Variants in OPRM1 observed in about 807,000 individuals in gnomAD.
The protein encoded by OPRM1 is mu-type opioid receptor.
Under a neutral mutation model 31.8 loss-of-function variants are expected in OPRM1, and 27 were observed. The ratio of observed to expected loss-of-function variants is 0.85; its 90% CI spans 0.63 to 1.17. OPRM1 has a LOEUF of 1.17. OPRM1 is among the 50% of genes most tolerant of loss of function. The pLI is 0.00. For missense variants in OPRM1, 536 were observed against 511.1 expected (o/e 1.05, Z -0.47); for synonymous variants, 196 against 189.9 (o/e 1.03, Z -0.26).
chr6:154,049,025 A>G (rs1015771455), intron 1 of OPRM1, among the ~76,000 whole-genome samples: 4 of 152,224 alleles, frequency 2.6e-5, no homozygotes, highest in Non-Finnish European at 5.9e-5. Flanking sequence ...GCCTCTGATT[A>G]TAAAATTTTC....
chr6:154,079,482 G>A (rs141966610), intron 1 of OPRM1, among the ~76,000 whole-genome samples: 55 of 152,318 alleles, frequency 3.6e-4, no homozygotes, highest in African/African-American at 1.3e-3. Context: ...CTGAGAGCCA[G>A]AGCTGAGAAG....
intron 3 of OPRM1, among the ~76,000 whole-genome samples, chr6:154,150,503 T>C (rs191651733): frequency 1.9e-3 from 284 of 152,186 alleles, no homozygotes; most frequent in Non-Finnish European, 3.1e-3. Context: ...AAATTGGGAG[T>C]GAGCCTAGCA....
chr6:154,239,447 A>G (rs776259622), intron 3 of OPRM1, among the ~76,000 whole-genome samples: 1 of 152,208 alleles, frequency 6.6e-6, no homozygotes, highest in Non-Finnish European at 1.5e-5. Context: ...GAAGTAACAG[A>G]ATTCAAGAAA....
intron 3 of OPRM1, among the ~76,000 whole-genome samples, chr6:154,207,688 G>A (rs1777618644): frequency 1.3e-5 from 2 of 151,982 alleles, no homozygotes; most frequent in South Asian, 2.1e-4. Context: ...CTCCTCTGTC[G>A]CTGGCCAAGG....
At chr6:154,028,029 C>T (rs1467888471) in intron 1 of OPRM1, among the ~76,000 whole-genome samples, 1 of 152,192 alleles carries the variant, frequency 6.6e-6, no homozygotes, top group African/African-American at 2.4e-5. Context: ...CCTCCCCCAG[C>T]CACTTTTCTC....
At chr6:154,176,045 C>T (rs757036068) in intron 3 of OPRM1, among the ~76,000 whole-genome samples, 18 of 152,166 alleles carry the variant, frequency 1.2e-4, no homozygotes, top group Non-Finnish European at 2.4e-4. Context: ...CATAATCTAT[C>T]ACATAAACAG....
chr6:154,066,542 T>A (rs1785448989), intron 1 of OPRM1, among the ~76,000 whole-genome samples: 1 of 152,112 alleles, frequency 6.6e-6, no homozygotes, highest in Admixed American at 6.6e-5. Flanking sequence ...AATCATTTGT[T>A]GAAACCCTAA....
At chr6:154,095,273 A>G (rs1361821544) in intron 3 of OPRM1, among the ~76,000 whole-genome samples, 1 of 152,232 alleles carries the variant, frequency 6.6e-6, no homozygotes, top group Admixed American at 6.5e-5. Flanking sequence ...CCTGGGCAAC[A>G]AGAACGAAAC....
chr6:154,058,218 T>A (rs1783706711), intron 1 of OPRM1, among the ~76,000 whole-genome samples: 1 of 152,192 alleles, frequency 6.6e-6, no homozygotes, highest in African/African-American at 2.4e-5. Flanking sequence ...AAAAAAATTG[T>A]ATATAAAGAT....
At chr6:154,241,206 A>G (rs531100613) in intron 3 of OPRM1, among the ~76,000 whole-genome samples, 43 of 147,390 alleles carry the variant, frequency 2.9e-4, no homozygotes, top group Non-Finnish European at 5.1e-4. Flanking sequence ...ACTGCACTTC[A>G]GCCTAGCAAC....
At chr6:154,154,422 A>G (rs1798630509) in intron 3 of OPRM1, 1 of 152,256 alleles carries the variant, frequency 6.6e-6, no homozygotes, top group Non-Finnish European at 1.5e-5. Flanking sequence ...TGAAAAATCT[A>G]AATATTATTG....
chr6:154,056,107 T>G (rs1783222585), intron 1 of OPRM1, among the ~76,000 whole-genome samples: 1 of 151,486 alleles, frequency 6.6e-6, no homozygotes, highest in African/African-American at 2.4e-5. Flanking sequence ...CTCTTTTCTT[T>G]TCTTTTCTTT....
At chr6:154,142,962 C>A (rs560037771) in intron 3 of OPRM1, among the ~76,000 whole-genome samples, 1 of 152,254 alleles carries the variant, frequency 6.6e-6, no homozygotes, top group Admixed American at 6.5e-5. Context: ...CAAGGGAGGA[C>A]CAGTTCTTCC....
Position 154,089,845 on chromosome 6 carries a change from G to A in OPRM1, c.310G>A (p.Ala104Thr). 1.9e-6 allele frequency: 3 copies of A among 1,612,672 alleles called. No homozygotes were observed. Among genetic ancestry groups the A allele is most frequent in the Non-Finnish European group, 2.5e-6 (3 of 1,179,286 alleles). Residue 104 changes from alanine (A) to threonine (T), a missense_variant, in exon 2 of 4, where the codon GCC becomes ACC. By Grantham distance (58) the Ala-to-Thr change is moderately conservative. Transcript: ENST00000330432. ...VIVRYTKMKTATNIYIFNLAL... is the reference protein window; with the variant it reads ...VIVRYTKMKTTTNIYIFNLAL... ...TCCTAGATACACCAAGATGAAGACT[G>A]CCACCAACATCTACATTTTCAACCT...
intron 3 of OPRM1, among the ~76,000 whole-genome samples, chr6:154,172,999 C>T (rs1490792523): frequency 6.6e-6 from 1 of 152,230 alleles, no homozygotes; most frequent in Non-Finnish European, 1.5e-5. Flanking sequence ...TGTTCTGCAG[C>T]CTCCGCTGGT....
intron 3 of OPRM1, among the ~76,000 whole-genome samples, chr6:154,232,842 T>C (rs1370840173): frequency 1.3e-5 from 2 of 152,070 alleles, no homozygotes; most frequent in African/African-American, 4.8e-5. Flanking sequence ...GTAAAATTTG[T>C]TAAAGCTATA....
intron 3 of OPRM1, among the ~76,000 whole-genome samples, chr6:154,109,753 C>T (rs929234882): frequency 6.7e-6 from 1 of 148,490 alleles, no homozygotes. Flanking sequence ...CTGTGAAAAG[C>T]CCTACTCTCT....
At chr6:154,065,935 T>A (rs1270414350) in intron 1 of OPRM1, among the ~76,000 whole-genome samples, 7 of 152,196 alleles carry the variant, frequency 4.6e-5, no homozygotes, top group Admixed American at 2.0e-4. Context: ...TATGTTATGG[T>A]TGATTCTTTC....
chr6:154,186,880 G>A (rs1801416805), intron 3 of OPRM1, among the ~76,000 whole-genome samples: 1 of 152,074 alleles, frequency 6.6e-6, no homozygotes, highest in African/African-American at 2.4e-5. Flanking sequence ...TCAAATTTCA[G>A]TGAGATGGCA....
Sources: allele counts gnomAD v4.1 joint callset (sites outside exome capture counted in the v4.1 genomes callset), GRCh38; gene constraint gnomAD v4.1.1; transcripts MANE v1.5; gene names NCBI Gene and HGNC (gene_info 2026-07-23, HGNC 2026-07-21).